The following SLC25A26 variants were observed in gnomAD, a reference collection of about 807,000 sequenced individuals.
SLC25A26 encodes the protein solute carrier family 25 member 26, also known as mitochondrial S-adenosylmethionine carrier protein.
In SLC25A26, 36 loss-of-function variants were observed where a neutral mutation model predicts 37.8. The observed-to-expected ratio is 0.95, with a 90% CI of 0.73 to 1.26. The LOEUF (loss-of-function observed/expected upper bound fraction) is 1.26. Ranked by LOEUF, SLC25A26 falls within the 50% of genes most tolerant of loss-of-function variation. SLC25A26 has a pLI of 0.00. For synonymous variants in SLC25A26, 129 were observed against 122.5 expected (o/e 1.05, Z -0.35); for missense variants, 390 against 331.1 (o/e 1.18, Z -1.38).
intron 5 of SLC25A26, among the ~76,000 whole-genome samples, chr3:66,271,282 GT>G (rs1193770152): frequency 6.6e-6 from 1 of 152,102 alleles, no homozygotes. Context: ...AAAGTTTTCT[GT>G]TTTTCCCTTT....
intron 3 of SLC25A26, among the ~76,000 whole-genome samples, chr3:66,257,615 G>C (rs2107246428): frequency 6.6e-6 from 1 of 152,172 alleles, no homozygotes; most frequent in East Asian, 1.9e-4. Context: ...ATTTCCTGTG[G>C]GGTCTTCATG....
chr3:66,332,675 G>C (rs2076004929), intron 5 of SLC25A26, among the ~76,000 whole-genome samples: 1 of 152,104 alleles, frequency 6.6e-6, no homozygotes. Flanking sequence ...GCCTCCTAAA[G>C]TGCTAGGATT....
chr3:66,228,728 A>G (rs1001410530), intron 1 of SLC25A26, among the ~76,000 whole-genome samples: 1 of 152,218 alleles, frequency 6.6e-6, no homozygotes, highest in Non-Finnish European at 1.5e-5. Context: ...TGCTTATGCA[A>G]CTTTTTCATA....
intron 2 of SLC25A26, among the ~76,000 whole-genome samples, chr3:66,239,364 T>G (rs1445130434): frequency 6.6e-6 from 1 of 152,164 alleles, no homozygotes; most frequent in Non-Finnish European, 1.5e-5. Flanking sequence ...TTCTTACTGA[T>G]AAATGTCCTT....
intron 5 of SLC25A26, among the ~76,000 whole-genome samples, chr3:66,344,329 G>A (rs1169764012): frequency 1.3e-5 from 2 of 152,126 alleles, no homozygotes; most frequent in African/African-American, 2.4e-5. Flanking sequence ...CAGGCGTGGT[G>A]GCACATACCT....
At chr3:66,376,388 A>T (rs531871308) in intron 9 of SLC25A26, among the ~76,000 whole-genome samples, 1 of 152,178 alleles carries the variant, frequency 6.6e-6, no homozygotes, top group Admixed American at 6.5e-5. Context: ...GAGTCCATCA[A>T]TGCAACAATT....
rs1295796816 is a variant in SLC25A26 at position 66,193,654 on chromosome 3, C to T, written c.-353-27088C>T. 2.0e-5 allele frequency among the ~76,000 whole-genome samples: 3 copies of T among 151,036 alleles called. No homozygotes were observed. The East Asian group carries it at 5.8e-4, about 29-fold the overall frequency. On this transcript the variant is annotated intron_variant, in intron 1 of 10. Coordinates refer to the SLC25A26 transcript ENST00000676754. The stretch of plus-strand genomic sequence containing the variant: ...GTTTAGAAACAGAGATGTTTCTAAC[C>T]TTGAAAAAAAAAACTTACACCAATT...
chr3:66,329,794 C>G (rs1224912942), intron 5 of SLC25A26, among the ~76,000 whole-genome samples: 1 of 152,102 alleles, frequency 6.6e-6, no homozygotes, highest in Non-Finnish European at 1.5e-5. Flanking sequence ...AACTCCTGGC[C>G]TCAATCCATC....
intron 5 of SLC25A26, among the ~76,000 whole-genome samples, chr3:66,337,811 C>G (rs890238866): frequency 2.6e-5 from 4 of 152,004 alleles, no homozygotes; most frequent in African/African-American, 9.7e-5. Context: ...CATCACCAAC[C>G]TGCAAAAGCT....
At chr3:66,160,344 G>A (rs1486492274) in intron 1 of SLC25A26, among the ~76,000 whole-genome samples, 1 of 152,120 alleles carries the variant, frequency 6.6e-6, no homozygotes, top group Non-Finnish European at 1.5e-5. Flanking sequence ...AATCAGTTCT[G>A]TCCCCCATTT....
intron 6 of SLC25A26, among the ~76,000 whole-genome samples, chr3:66,349,900 T>G (rs2076411155): frequency 6.6e-6 from 1 of 152,184 alleles, no homozygotes; most frequent in Non-Finnish European, 1.5e-5. Flanking sequence ...TTCCAGCCAT[T>G]CTAGTACTTG....
chr3:66,362,837 T>G, intron 6 of SLC25A26, 23 bp from the exon 7 acceptor site: 1 of 1,537,232 alleles, frequency 6.5e-7, no homozygotes, highest in Non-Finnish European at 8.8e-7. Flanking sequence ...ATAACTTGTA[T>G]TTTTCTTTCT....
chr3:66,370,821 T>C lies in SLC25A26; in HGVS notation c.707+219T>C, dbSNP rs1212032902. The stretch of plus-strand genomic sequence containing the variant: ...CAGGCAGTTCTCAGCCTTGCCCATC[T>C]TGATGTTAGATGAAATTCACATGTG... On this transcript the variant is annotated intron_variant, in intron 9 of 9. Coordinates refer to ENST00000354883, the MANE Select transcript of SLC25A26 (RefSeq NM_001379210.1). 2.0e-5 allele frequency among the ~76,000 whole-genome samples: 3 copies of C among 152,364 alleles called. No homozygotes were observed. In the East Asian group the frequency reaches 5.8e-4, roughly 29 times the overall value.
intron 3 of SLC25A26, among the ~76,000 whole-genome samples, chr3:66,249,779 C>G (rs1031875058): frequency 3.3e-5 from 5 of 152,132 alleles, no homozygotes; most frequent in African/African-American, 1.2e-4. Context: ...CTGCCCTGAG[C>G]CACAGTGAAA....
At chr3:66,291,816 C>A (rs1359468004) in intron 5 of SLC25A26, among the ~76,000 whole-genome samples, 1 of 152,140 alleles carries the variant, frequency 6.6e-6, no homozygotes, top group East Asian at 1.9e-4. Context: ...TCTATTAGGT[C>A]CCCTTGGTCC....
chr3:66,243,612 A>G (rs566724326), intron 3 of SLC25A26, among the ~76,000 whole-genome samples: 1 of 152,342 alleles, frequency 6.6e-6, no homozygotes, highest in Non-Finnish European at 1.5e-5. Context: ...GAATTGTGAC[A>G]GCTTTGTATT....
intron 5 of SLC25A26, among the ~76,000 whole-genome samples, chr3:66,280,477 C>A (rs897580772): frequency 2.0e-5 from 3 of 152,116 alleles, no homozygotes; most frequent in African/African-American, 7.2e-5. Flanking sequence ...CTGTTTAATA[C>A]CAGTGAGAAA....
At chr3:66,229,255 ACT>A (rs1369085321) in intron 1 of SLC25A26, among the ~76,000 whole-genome samples, 7 of 152,110 alleles carry the variant, frequency 4.6e-5, no homozygotes, top group Non-Finnish European at 7.4e-5. Context: ...ATTCTCAAAA[ACT>A]CTATGAAGTA....
At chr3:66,209,277 T>A (rs1459161454) in intron 1 of SLC25A26, among the ~76,000 whole-genome samples, 4 of 140,314 alleles carry the variant, frequency 2.9e-5, no homozygotes, top group African/African-American at 1.0e-4. Context: ...TATATATGTA[T>A]GTATATATAA....
Sources: allele counts gnomAD v4.1 joint callset (sites outside exome capture counted in the v4.1 genomes callset), GRCh38; gene constraint gnomAD v4.1.1; transcripts MANE v1.5; gene names NCBI Gene and HGNC (gene_info 2026-07-23, HGNC 2026-07-21).